C2CD2: variants seen among roughly 807,000 people sequenced by gnomAD.
C2CD2 encodes C2 domain-containing protein 2.
Under a neutral mutation model 74.3 loss-of-function variants are expected in C2CD2, and 43 were observed. That is an observed-to-expected ratio of 0.58 (90% CI 0.45 to 0.75). The LOEUF (loss-of-function observed/expected upper bound fraction) is 0.75. Among genes scored for constraint, C2CD2 ranks in the 30% least tolerant of loss-of-function variants. The probability of loss-of-function intolerance (pLI) is 0.00; values close to 1 mark genes in which losing one functional copy is unlikely to be tolerated. For missense variants in C2CD2, 801 were observed against 916.3 expected, an observed-to-expected ratio of 0.87 and a Z score of 1.63; for synonymous variants, 422 against 390.7, an observed-to-expected ratio of 1.08 and a Z score of -0.94.
rs147786051 is a variant in C2CD2, at chr21:41,907,022, C to T, written c.1288G>A (p.Asp430Asn). 60 of 1,613,914 alleles carry T rather than the reference C, an allele frequency of 3.7e-5. No individual in the cohort carries two copies. The highest frequency in any genetic ancestry group is 3.2e-4 in the African/African-American group (24 of 74,888). ...VTAVKTKPRV[D>N]VGRASPLSSD... ...CTCAGCGGGGACGCCCTCCCCACGT[C>T]GACGCGAGGCTTGGTCTTCACAGCA... Residue 430 changes from aspartate to asparagine, a missense_variant, in exon 10 of 14, where the codon GAC becomes AAC. Physicochemically the swap from Asp to Asn is conservative, Grantham distance 23. Coordinates refer to ENST00000380486, the MANE Select transcript of C2CD2 (RefSeq NM_015500.2).
At position 41,905,815 on chromosome 21, in the gene C2CD2, G is replaced by A. The variant is rs943304424; in HGVS notation, c.1341C>T (p.Ile447=). Residue 447 remains isoleucine (I), a synonymous_variant, in exon 11 of 14, where the codon ATC becomes ATT. Coordinates refer to ENST00000380486, the MANE Select transcript of C2CD2 (RefSeq NM_015500.2). The part of the protein sequence containing the change: ...LSSDSPVKTP[I]KVKVIEKDIS... ...TGTCCTTCTCGATCACCTTCACCTT[G>A]ATGGGAGTCTTCACCGGAGAATCTG... 1.2e-6 allele frequency: 2 copies of A among 1,602,060 alleles called. No homozygotes were observed. The highest frequency in any genetic ancestry group is 1.7e-6 in the Non-Finnish European group (2 of 1,169,136).
At chr21:41,915,218 G>A (rs1237327012) in intron 5 of C2CD2, among the ~76,000 whole-genome samples, 1 of 152,190 alleles carries the variant, frequency 6.6e-6, no homozygotes, top group Non-Finnish European at 1.5e-5. Context: ...GTCCACATGA[G>A]GAAAGTCTAT....
At chr21:41,944,521 C>CAAAAA (rs369422328) in intron 1 of C2CD2, among the ~76,000 whole-genome samples, 39 of 97,868 alleles carry the variant, frequency 4.0e-4, no homozygotes, top group Non-Finnish European at 5.0e-4. Context: ...GACTCTGCCT[C>CAAAAA]AAAAAAAAAA....
intron 6 of C2CD2, among the ~76,000 whole-genome samples, chr21:41,913,735 C>A (rs1169681575): frequency 1.3e-5 from 2 of 152,214 alleles, no homozygotes; most frequent in African/African-American, 4.8e-5. Context: ...CAATTTGCTC[C>A]TGTTCTTGGC....
intron 12 of C2CD2, among the ~76,000 whole-genome samples, chr21:41,900,395 G>C (rs1358392576): frequency 6.6e-6 from 1 of 152,194 alleles, no homozygotes; most frequent in African/African-American, 2.4e-5. Flanking sequence ...TTTTAAATAT[G>C]ATCTTAGAGA....
At chr21:41,941,296 G>A (rs1350761111) in intron 2 of C2CD2, among the ~76,000 whole-genome samples, 2 of 152,256 alleles carry the variant, frequency 1.3e-5, no homozygotes, top group Admixed American at 1.3e-4. Context: ...AGAAGTTTGA[G>A]GGTACAGTAA....
intron 2 of C2CD2, among the ~76,000 whole-genome samples, chr21:41,927,022 G>A (rs569668369): frequency 7.9e-5 from 12 of 152,256 alleles, no homozygotes; most frequent in African/African-American, 2.6e-4. Flanking sequence ...AAGACAGTAT[G>A]AACTGGATAT....
chr21:41,900,260 C>CGA (rs1569058339), intron 12 of C2CD2, among the ~76,000 whole-genome samples: 1 of 151,920 alleles, frequency 6.6e-6, no homozygotes, highest in African/African-American at 2.4e-5. Flanking sequence ...GGTGACAGAG[C>CGA]GAGACTCCGT....
intron 8 of C2CD2, 125 bp downstream of exon 8, chr21:41,909,334 A>G (rs1019680572): frequency 1.5e-5 from 9 of 618,862 alleles, no homozygotes; most frequent in African/African-American, 1.8e-5. Context: ...TGGGAAAACC[A>G]AAGTCATTTA....
chr21:41,890,485 G>A (rs1210799134), intron 13 of C2CD2, among the ~76,000 whole-genome samples: 3 of 152,218 alleles, frequency 2.0e-5, no homozygotes, highest in African/African-American at 7.2e-5. Context: ...TCACAGATTA[G>A]TTTAACATCC....
intron 7 of C2CD2, among the ~76,000 whole-genome samples, chr21:41,910,893 C>T (rs1485640139): frequency 6.6e-6 from 1 of 152,070 alleles, no homozygotes; most frequent in Admixed American, 6.6e-5. Context: ...TTGCATAGTC[C>T]TGATACGCAG....
Position 41,950,316 on chromosome 21 carries a change from G to A in C2CD2, c.279+3054C>T, listed in dbSNP as rs2065439885. On this transcript the variant is annotated intron_variant, in intron 1 of 13. Coordinates refer to ENST00000380486, the MANE Select transcript of C2CD2 (RefSeq NM_015500.2). ...ACTAAGCTCTCTGGGCAAGACTCCT[G>A]TGATCCCTGCACACCTGGCGTCCAC... Among the ~76,000 whole-genome samples, 3 of 152,182 alleles carry A rather than the reference G, an allele frequency of 2.0e-5. No individual in the cohort carries two copies. The South Asian group carries it at 6.2e-4, about 32-fold the overall frequency.
chr21:41,949,918 C>A (rs374801414), intron 1 of C2CD2, among the ~76,000 whole-genome samples: 5 of 152,156 alleles, frequency 3.3e-5, no homozygotes, highest in African/African-American at 1.2e-4. Flanking sequence ...TGTTCTCACT[C>A]ATAGGTGGGA....
rs2065471854 is a variant in C2CD2, at chr21:41,953,874, G to A, written c.-226C>T. 1 of 251,788 alleles carries A rather than the reference G, an allele frequency of 4.0e-6. No individual in the cohort carries two copies. Among genetic ancestry groups the A allele is most frequent in the Admixed American group, 5.6e-5 (1 of 17,840 alleles). The allele number at this position is 251,788 out of a possible 1,614,324, so 15.6% of individuals were successfully genotyped here. On this transcript the variant is annotated 5_prime_UTR_variant, in exon 1 of 14. Transcript: ENST00000380486. ...CTGGGCGCAAGCCCCGCACACCTGCGGAACAGGGGCGCGAGCGGACCCCGC... is the reference window on the plus strand; with the variant it reads ...CTGGGCGCAAGCCCCGCACACCTGCAGAACAGGGGCGCGAGCGGACCCCGC...
intron 13 of C2CD2, among the ~76,000 whole-genome samples, chr21:41,893,291 C>G (rs1875619510): frequency 6.6e-6 from 1 of 152,104 alleles, no homozygotes; most frequent in South Asian, 2.1e-4. Flanking sequence ...TGCTTGAGCA[C>G]AAGAATTCGA....
Position 41,948,424 on chromosome 21 carries a change from G to C in C2CD2, c.279+4946C>G, listed in dbSNP as rs557522902. The stretch of plus-strand genomic sequence containing the variant: ...CAGGGCGGGGAGCATCTTGGCTGAA[G>C]GGGAGGATCAGGGACCTCTGAGCTG... On this transcript the variant is annotated intron_variant, in intron 1 of 13. Coordinates refer to ENST00000380486, the MANE Select transcript of C2CD2 (RefSeq NM_015500.2). Among the ~76,000 whole-genome samples the C allele has an allele frequency of 5.9e-5, 9 of 152,362 alleles. No homozygotes were observed. In the South Asian group the frequency reaches 1.9e-3, roughly 32 times the overall value.
At position 41,926,393 on chromosome 21, in the gene C2CD2, G is replaced by A. The variant is rs1167491794; in HGVS notation, c.379-4308C>T. The A allele has an allele frequency of 3.1e-6, 3 of 979,932 alleles. No homozygotes were observed. In the East Asian group the frequency reaches 3.4e-4, roughly 112 times the overall value. The allele number at this position is 979,932 out of a possible 1,614,324, so 60.7% of individuals were successfully genotyped here. A position where few individuals can be genotyped will look rare whatever the true frequency, so the allele number is the denominator to read the frequency against. Reference sequence around the variant, plus strand: ...GGGTCTCCACATGGAAAGGCCAAGGGGGGACTCACGGTTGGCAGGTGAGGG... The same window carrying A: ...GGGTCTCCACATGGAAAGGCCAAGGAGGGACTCACGGTTGGCAGGTGAGGG... On this transcript the variant is annotated intron_variant, in intron 2 of 13. Coordinates refer to ENST00000380486, the MANE Select transcript of C2CD2 (RefSeq NM_015500.2). The surrounding 1 kb of genome is among the most constrained non-coding windows in gnomAD (Gnocchi z 8.0).
At chr21:41,934,937 G>A (rs557145585) in intron 2 of C2CD2, among the ~76,000 whole-genome samples, 2 of 152,132 alleles carry the variant, frequency 1.3e-5, no homozygotes, top group African/African-American at 4.8e-5. Context: ...TGTCGCTCAG[G>A]CTGAAGTGCA....
Position 41,953,565 on chromosome 21 carries a change from C to T in C2CD2, c.84G>A (p.Thr28=), listed in dbSNP as rs1253948139. The T allele has an allele frequency of 6.7e-7, 1 of 1,498,278 alleles. No individual in the cohort carries two copies. Among genetic ancestry groups the T allele is most frequent in the African/African-American group, 1.4e-5 (1 of 69,106 alleles). 92.8% of individuals were successfully genotyped at this position (1,498,278 alleles called of 1,614,324 possible). A position where few individuals can be genotyped will look rare whatever the true frequency, so the allele number is the denominator to read the frequency against. ...LVSLFVAALA[T]VGLYLAQWAL... ...CCCACTGCGCCAGGTACAGGCCTACCGTGGCCAGGGCCGCGACGAAGAGCG... is the reference window on the plus strand; with the variant it reads ...CCCACTGCGCCAGGTACAGGCCTACTGTGGCCAGGGCCGCGACGAAGAGCG... Residue 28 remains threonine (T), a synonymous_variant, in exon 1 of 14, where the codon ACG becomes ACA. Coordinates refer to ENST00000380486, the MANE Select transcript of C2CD2 (RefSeq NM_015500.2).
Sources: gnomAD v4.1 joint callset for allele counts (sites outside exome capture counted in the v4.1 genomes callset) on GRCh38, gnomAD v4.1.1 for gene constraint, Gnocchi (gnomAD v3.1) non-coding constraint, MANE v1.5 for transcripts, NCBI Gene and HGNC (gene_info 2026-07-23, HGNC 2026-07-21) for gene names.